TRPC4: variants seen among roughly 807,000 people sequenced by gnomAD.
TRPC4 encodes the protein transient receptor potential cation channel subfamily C member 4, also known as short transient receptor potential channel 4.
In TRPC4, 49 loss-of-function variants were observed where a neutral mutation model predicts 99.4. That is an observed-to-expected ratio of 0.49 (90% CI 0.39 to 0.63). TRPC4 has a LOEUF of 0.63. Among genes scored for constraint, TRPC4 ranks in the 20% least tolerant of loss-of-function variants. The probability of loss-of-function intolerance (pLI) is 0.00; values close to 1 mark genes in which losing one functional copy is unlikely to be tolerated. For missense variants in TRPC4, 898 were observed against 1,152.9 expected (o/e 0.78, Z 3.20); for synonymous variants, 454 against 425.9 (o/e 1.07, Z -0.81).
At chr13:37,720,093 G>A (rs749931492) in intron 3 of TRPC4, among the ~76,000 whole-genome samples, 6 of 151,896 alleles carry the variant, frequency 4.0e-5, no homozygotes, top group Non-Finnish European at 5.9e-5. Flanking sequence ...AGGAAAAGAT[G>A]GGAAGATCAA....
At chr13:37,772,783 T>C (rs1164810735) in intron 2 of TRPC4, among the ~76,000 whole-genome samples, 1 of 151,728 alleles carries the variant, frequency 6.6e-6, no homozygotes, top group Non-Finnish European at 1.5e-5. Context: ...TTCTGCAGAG[T>C]CTCAGCTGTC....
At chr13:37,653,788 G>T (rs1335951973) in intron 7 of TRPC4, among the ~76,000 whole-genome samples, 1 of 152,100 alleles carries the variant, frequency 6.6e-6, no homozygotes, top group Non-Finnish European at 1.5e-5. Context: ...GATCCAAATT[G>T]CTGGCAGCTT....
rs932131916 is a variant in TRPC4 at position 37,632,954 on chromosome 13, A to G, written c.*3949T>C. ...AAAGTCAGTGGTCAAGGCATTTATAATGTGATGCCTCATCCAAATATCTAG... is the reference window on the plus strand; with the variant it reads ...AAAGTCAGTGGTCAAGGCATTTATAGTGTGATGCCTCATCCAAATATCTAG... On this transcript the variant is annotated 3_prime_UTR_variant, in exon 11 of 11. Transcript: ENST00000379705. Among the ~76,000 whole-genome samples, 1 of 152,190 alleles carries G rather than the reference A, an allele frequency of 6.6e-6. No homozygotes were observed. Among genetic ancestry groups the G allele is most frequent in the South Asian group, 2.1e-4 (1 of 4,836 alleles).
intron 2 of TRPC4, among the ~76,000 whole-genome samples, chr13:37,767,920 C>A (rs1956428808): frequency 6.6e-6 from 1 of 151,274 alleles, no homozygotes; most frequent in Non-Finnish European, 1.5e-5. Context: ...GACTGGTATT[C>A]TTAAGTTTGC....
At chr13:37,795,560 T>C (rs983028056) in intron 1 of TRPC4, among the ~76,000 whole-genome samples, 7 of 152,144 alleles carry the variant, frequency 4.6e-5, no homozygotes, top group Admixed American at 6.6e-5. Context: ...TATTTAACTA[T>C]AAGCAGATAT....
At chr13:37,675,875 T>C (rs896788039) in intron 4 of TRPC4, among the ~76,000 whole-genome samples, 2 of 152,048 alleles carry the variant, frequency 1.3e-5, no homozygotes, top group African/African-American at 2.4e-5. Flanking sequence ...CAATCAGCAA[T>C]TGACAACCAC....
At chr13:37,851,438 C>T (rs1005126031) in intron 1 of TRPC4, among the ~76,000 whole-genome samples, 2 of 151,906 alleles carry the variant, frequency 1.3e-5, no homozygotes, top group African/African-American at 4.8e-5. Context: ...ATATGATATT[C>T]AAGAATATTG....
At chr13:37,770,581 T>C (rs575677599) in intron 2 of TRPC4, among the ~76,000 whole-genome samples, 2 of 151,706 alleles carry the variant, frequency 1.3e-5, no homozygotes, top group Non-Finnish European at 3.0e-5. Flanking sequence ...GCTAGATCTA[T>C]ACTTTCTTAA....
At chr13:37,841,307 A>G (rs533261730) in intron 1 of TRPC4, among the ~76,000 whole-genome samples, 3 of 152,134 alleles carry the variant, frequency 2.0e-5, no homozygotes, top group Non-Finnish European at 4.4e-5. Flanking sequence ...TAATGAAGCA[A>G]AAACCTGATT....
At chr13:37,656,845 A>G (rs1952254783) in intron 6 of TRPC4, among the ~76,000 whole-genome samples, 1 of 152,196 alleles carries the variant, frequency 6.6e-6, no homozygotes, top group Non-Finnish European at 1.5e-5. Context: ...TGACACACAG[A>G]GTAACAATCC....
At chr13:37,663,917 G>A (rs1270973129) in intron 5 of TRPC4, among the ~76,000 whole-genome samples, 188 bp from the exon 6 acceptor site, 1 of 152,192 alleles carries the variant, frequency 6.6e-6, no homozygotes, top group Non-Finnish European at 1.5e-5. Flanking sequence ...TAAATGAGTA[G>A]AAGTAGTGGT....
intron 5 of TRPC4, among the ~76,000 whole-genome samples, chr13:37,669,055 C>CTTT (rs1952749863): frequency 6.6e-6 from 1 of 152,004 alleles, no homozygotes; most frequent in Non-Finnish European, 1.5e-5. Flanking sequence ...ACACTTGGCC[C>CTTT]TTTTCTAGTT....
chr13:37,863,931 T>C (rs1311228739), intron 1 of TRPC4, among the ~76,000 whole-genome samples: 1 of 151,682 alleles, frequency 6.6e-6, no homozygotes, highest in East Asian at 1.9e-4. Flanking sequence ...AAAATAAAAA[T>C]TACAATGTGT....
chr13:37,803,027 T>C (rs1462148173), intron 1 of TRPC4, among the ~76,000 whole-genome samples: 1 of 152,068 alleles, frequency 6.6e-6, no homozygotes, highest in Non-Finnish European at 1.5e-5. Flanking sequence ...ATATATTTAT[T>C]TTATTTTTGA....
At chr13:37,769,760 G>C (rs1056868418) in intron 2 of TRPC4, among the ~76,000 whole-genome samples, 1 of 151,426 alleles carries the variant, frequency 6.6e-6, no homozygotes, top group African/African-American at 2.4e-5. Context: ...TTCTGCATCA[G>C]CATATTTTAA....
chr13:37,700,746 TATAC>T (rs1181355857), intron 3 of TRPC4, among the ~76,000 whole-genome samples: 27 of 152,172 alleles, frequency 1.8e-4, no homozygotes, highest in African/African-American at 6.5e-4. Flanking sequence ...CCATCTAATT[TATAC>T]ATATAAATAA....
chr13:37,818,171 GA>G (rs1160892661), intron 1 of TRPC4, among the ~76,000 whole-genome samples: 5 of 136,222 alleles, frequency 3.7e-5, no homozygotes, highest in Admixed American at 1.5e-4. Context: ...TAAATTTCAA[GA>G]AAAAAAATAA....
intron 1 of TRPC4, among the ~76,000 whole-genome samples, chr13:37,798,395 G>GA (rs1393518283): frequency 1.3e-5 from 2 of 151,242 alleles, no homozygotes; most frequent in Admixed American, 6.6e-5. Context: ...CACCACTTCA[G>GA]AAAAAAAATG....
intron 1 of TRPC4, among the ~76,000 whole-genome samples, chr13:37,786,346 G>A (rs1956970626): frequency 6.7e-6 from 1 of 148,812 alleles, no homozygotes; most frequent in South Asian, 2.1e-4. Context: ...AGAGAAGAAA[G>A]AGAGAGAGAG....
Sources: gnomAD v4.1 joint callset for allele counts (sites outside exome capture counted in the v4.1 genomes callset) on GRCh38, gnomAD v4.1.1 for gene constraint, MANE v1.5 for transcripts, NCBI Gene and HGNC (gene_info 2026-07-23, HGNC 2026-07-21) for gene names.